NAALADL2: variants seen among roughly 807,000 people sequenced by gnomAD.
NAALADL2 encodes inactive N-acetylated-alpha-linked acidic dipeptidase-like protein 2.
A neutral mutation model predicts 87.2 loss-of-function variants in NAALADL2; 76 were observed. The ratio of observed to expected loss-of-function variants is 0.87; its 90% CI spans 0.72 to 1.05. The LOEUF is 1.05. Among genes scored for constraint, NAALADL2 ranks in the 50% least tolerant of loss-of-function variants. The pLI is 0.00. For synonymous variants in NAALADL2, 354 were observed against 331.0 expected, an observed-to-expected ratio of 1.07 and a Z score of -0.75; for missense variants, 1,089 against 945.8, an observed-to-expected ratio of 1.15 and a Z score of -1.99.
chr3:175,539,507 T>C (rs955485994), intron 9 of NAALADL2, among the ~76,000 whole-genome samples: 18 of 152,272 alleles, frequency 1.2e-4, no homozygotes, highest in Non-Finnish European at 1.9e-4. Flanking sequence ...TTTTAAATTT[T>C]TTTTTAGGTT....
intron 13 of NAALADL2, among the ~76,000 whole-genome samples, chr3:175,789,307 G>A (rs1030285019): frequency 2.6e-5 from 4 of 152,018 alleles, no homozygotes; most frequent in Non-Finnish European, 5.9e-5. Flanking sequence ...GATATGATGA[G>A]AGTTTCTGCG....
chr3:174,845,635 G>T (rs1341067431), intron 3 of NAALADL2, among the ~76,000 whole-genome samples: 6 of 152,220 alleles, frequency 3.9e-5, no homozygotes, highest in Non-Finnish European at 2.9e-5. Context: ...AGTTAAGTGG[G>T]AGCTTATTTT....
intron 2 of NAALADL2, among the ~76,000 whole-genome samples, chr3:175,205,075 T>C (rs771387896): frequency 1.7e-4 from 26 of 151,932 alleles, no homozygotes; most frequent in Non-Finnish European, 3.1e-4. Context: ...AATACCACCA[T>C]CATTCTTCAA....
At chr3:175,316,243 A>G (rs1759125353) in intron 4 of NAALADL2, among the ~76,000 whole-genome samples, 1 of 152,150 alleles carries the variant, frequency 6.6e-6, no homozygotes, top group Admixed American at 6.5e-5. Context: ...AAAGAAAGGG[A>G]GGAAAATATT....
At chr3:174,546,819 G>A (rs764042704) in intron 1 of NAALADL2, among the ~76,000 whole-genome samples, 1 of 151,960 alleles carries the variant, frequency 6.6e-6, no homozygotes, top group Non-Finnish European at 1.5e-5. Flanking sequence ...CAACACACCT[G>A]GCAAATTTTT....
intron 2 of NAALADL2, among the ~76,000 whole-genome samples, chr3:174,573,317 G>A (rs1168480931): frequency 6.6e-6 from 1 of 151,978 alleles, no homozygotes; most frequent in Non-Finnish European, 1.5e-5. Context: ...GCCCAGGCTG[G>A]AGTACAGTGG....
chr3:175,288,082 G>GT (rs1012683536), intron 4 of NAALADL2, among the ~76,000 whole-genome samples: 4 of 152,134 alleles, frequency 2.6e-5, no homozygotes, highest in East Asian at 1.9e-4. Flanking sequence ...ATGTCTACAT[G>GT]TTTTTTTGTT....
At chr3:175,530,242 C>T (rs1338172977) in intron 9 of NAALADL2, among the ~76,000 whole-genome samples, 1 of 152,234 alleles carries the variant, frequency 6.6e-6, no homozygotes, top group African/African-American at 2.4e-5. Context: ...TTGGTGAGCA[C>T]TGACATGGGA....
intron 3 of NAALADL2, among the ~76,000 whole-genome samples, chr3:175,243,321 A>AACACAC (rs113418317): frequency 0.17 from 24,125 of 144,336 alleles, 2,407 homozygotes; most frequent in African/African-American, 0.28. Flanking sequence ...TTTAGAAGGA[A>AACACAC]ACACACACAC....
At chr3:175,594,140 G>A (rs758373862) in intron 10 of NAALADL2, among the ~76,000 whole-genome samples, 4 of 151,914 alleles carry the variant, frequency 2.6e-5, no homozygotes, top group Non-Finnish European at 4.4e-5. Flanking sequence ...ACCCACGCAC[G>A]CCTCCTTGGT....
chr3:174,539,421 A>G (rs1026931347), intron 1 of NAALADL2, among the ~76,000 whole-genome samples: 6 of 152,180 alleles, frequency 3.9e-5, no homozygotes, highest in Non-Finnish European at 7.3e-5. Flanking sequence ...AAAATTATTT[A>G]TTTTAATAGT....
intron 11 of NAALADL2, among the ~76,000 whole-genome samples, chr3:175,671,859 A>T (rs1048491391): frequency 1.3e-5 from 2 of 152,120 alleles, no homozygotes; most frequent in African/African-American, 4.8e-5. Context: ...AGAATGAATC[A>T]TTGAAACTAT....
At chr3:174,785,281 C>T (rs1300250792) in intron 3 of NAALADL2, among the ~76,000 whole-genome samples, 2 of 151,990 alleles carry the variant, frequency 1.3e-5, no homozygotes, top group Non-Finnish European at 2.9e-5. Context: ...GTGGTTTTTG[C>T]CATTAAAAGT....
intron 5 of NAALADL2, among the ~76,000 whole-genome samples, chr3:175,332,600 T>A (rs1266710680): frequency 6.6e-6 from 1 of 152,224 alleles, no homozygotes; most frequent in African/African-American, 2.4e-5. Flanking sequence ...CACACCTGGC[T>A]GTGATTTTGA....
rs71312311 is a variant in NAALADL2, at chr3:175,149,042, T to A, written c.545+51751T>A. ...TGAATCTATAGATTGCTTTGGGCAGTATGAGCATTTTAATGATATTGATTT... is the reference window on the plus strand; with the variant it reads ...TGAATCTATAGATTGCTTTGGGCAGAATGAGCATTTTAATGATATTGATTT... On this transcript the variant is annotated intron_variant, in intron 2 of 13. Transcript: ENST00000454872. Among the ~76,000 whole-genome samples, 1,167 of 152,300 alleles carry A rather than the reference T, an allele frequency of 7.7e-3. 4 individuals are homozygous for A. The highest frequency in any genetic ancestry group is 0.025 in the South Asian group (123 of 4,826).
chr3:175,096,771 A>C lies in NAALADL2; in HGVS notation c.44-19A>C, dbSNP rs2108370035. On this transcript the variant is annotated intron_variant, in intron 1 of 13. Coordinates refer to ENST00000454872, the MANE Select transcript of NAALADL2 (RefSeq NM_207015.3). ...TTGTGTGTTTATTTTATTAAAATATATTTTTCTTATTTTCACAGGTAAAAA... is the reference window on the plus strand; with the variant it reads ...TTGTGTGTTTATTTTATTAAAATATCTTTTTCTTATTTTCACAGGTAAAAA... 1 of 1,408,136 alleles carries C rather than the reference A, an allele frequency of 7.1e-7. No homozygotes were observed. The highest frequency in any genetic ancestry group is 1.6e-5 in the South Asian group (1 of 61,336). The allele number at this position is 1,408,136 out of a possible 1,614,324, so 87.2% of individuals were successfully genotyped here. A position where few individuals can be genotyped will look rare whatever the true frequency, so the allele number is the denominator to read the frequency against.
intron 11 of NAALADL2, among the ~76,000 whole-genome samples, chr3:175,717,803 A>ATTTTTTTTT (rs10575051): frequency 8.5e-6 from 1 of 117,906 alleles, no homozygotes; most frequent in African/African-American, 3.8e-5. Context: ...AAGAGAGCAG[A>ATTTTTTTTT]TTTTTTTTTT....
chr3:174,849,481 A>G (rs1724997015), intron 3 of NAALADL2, among the ~76,000 whole-genome samples: 1 of 152,088 alleles, frequency 6.6e-6, no homozygotes, highest in African/African-American at 2.4e-5. Context: ...TCACGCCTGT[A>G]ATCCCAGCAC....
At chr3:174,856,156 C>A (rs186528477), upstream of NAALADL2, among the ~76,000 whole-genome samples, 1 of 152,022 alleles carries the variant, frequency 6.6e-6, no homozygotes, top group Non-Finnish European at 1.5e-5. Context: ...CAGGCACACA[C>A]CATCATGCCC....
Sources: gnomAD v4.1 joint callset for allele counts (sites outside exome capture counted in the v4.1 genomes callset) on GRCh38, gnomAD v4.1.1 for gene constraint, MANE v1.5 for transcripts, NCBI Gene and HGNC (gene_info 2026-07-23, HGNC 2026-07-21) for gene names.